Variants in PPP1R14C observed in about 807,000 individuals in gnomAD.
PPP1R14C encodes protein phosphatase 1 regulatory inhibitor subunit 14C, also known as protein phosphatase 1 regulatory subunit 14C.
PPP1R14C carries 16 observed loss-of-function variants against 20.4 expected under a neutral mutation model. The observed-to-expected ratio is 0.78, with a 90% CI of 0.53 to 1.19. PPP1R14C has a LOEUF of 1.19. Ranked by LOEUF, PPP1R14C falls within the 50% of genes most tolerant of loss-of-function variation. The pLI is 0.00. For missense variants in PPP1R14C, 211 were observed against 220.1 expected (o/e 0.96, Z 0.26); for synonymous variants, 91 against 91.0 (o/e 1.00, Z 0.00).
chr6:150,248,933 T>G lies in PPP1R14C; in HGVS notation c.*113T>G, dbSNP rs1038425571. On this transcript the variant is annotated 3_prime_UTR_variant, in exon 4 of 4. Coordinates refer to ENST00000361131, the MANE Select transcript of PPP1R14C (RefSeq NM_030949.3). ...CCTTATGAACAACGTTTTTGTTTTT[T>G]TTTTTTTCTTTTTTGGTGTGAAGGT... 1.1e-4 allele frequency: 61 copies of G among 574,468 alleles called. No individual in the cohort carries two copies. The highest frequency in any genetic ancestry group is 9.3e-4 in the African/African-American group (48 of 51,460). 35.6% of individuals were successfully genotyped at this position (574,468 alleles called of 1,614,324 possible).
chr6:150,146,886 CCT>C (rs1342841439), intron 1 of PPP1R14C, among the ~76,000 whole-genome samples: 1 of 152,108 alleles, frequency 6.6e-6, no homozygotes, highest in Non-Finnish European at 1.5e-5. Context: ...GATGTGGTCC[CCT>C]CTTACCCAGT....
intron 1 of PPP1R14C, among the ~76,000 whole-genome samples, chr6:150,155,309 G>C (rs184399248): frequency 3.3e-5 from 5 of 152,258 alleles, no homozygotes; most frequent in Non-Finnish European, 5.9e-5. Flanking sequence ...GACAGTTCTG[G>C]CAGGAAGTGA....
chr6:150,171,782 C>T (rs1226242222), intron 1 of PPP1R14C, among the ~76,000 whole-genome samples: 1 of 152,136 alleles, frequency 6.6e-6, no homozygotes, highest in Non-Finnish European at 1.5e-5. Flanking sequence ...TGTTTATCAG[C>T]ATTCAGAATT....
At chr6:150,152,082 T>C (rs1007146029) in intron 1 of PPP1R14C, among the ~76,000 whole-genome samples, 7 of 135,640 alleles carry the variant, frequency 5.2e-5, no homozygotes, top group African/African-American at 1.7e-4. Context: ...ATCCCGCCAA[T>C]GCACTCCAGC....
Position 150,143,411 on chromosome 6 carries a change from A to G in PPP1R14C, c.219A>G (p.Thr73=), listed in dbSNP as rs747053704. ...QQRRHQQGKV[T]VKYDRKELRK... ...GGCGACACCAGCAGGGAAAAGTGACAGTGAAATACGATCGTAAGGAGCTTC... is the reference window on the plus strand; with the variant it reads ...GGCGACACCAGCAGGGAAAAGTGACGGTGAAATACGATCGTAAGGAGCTTC... Residue 73 remains threonine (T), a synonymous_variant, in exon 1 of 4, where the codon ACA becomes ACG. Transcript: ENST00000361131. The surrounding 1 kb of genome is among the most constrained non-coding windows in gnomAD (Gnocchi z 5.6). 6.2e-7 allele frequency: 1 copy of G among 1,610,464 alleles called. No individual in the cohort carries two copies. Among genetic ancestry groups the G allele is most frequent in the South Asian group, 1.1e-5 (1 of 90,698 alleles).
chr6:150,173,730 G>C (rs1777524874), intron 1 of PPP1R14C, among the ~76,000 whole-genome samples: 1 of 152,114 alleles, frequency 6.6e-6, no homozygotes, highest in Non-Finnish European at 1.5e-5. Context: ...ATGCCAGCCA[G>C]CGCTAGGAAT....
intron 1 of PPP1R14C, among the ~76,000 whole-genome samples, chr6:150,160,520 G>A (rs1213201284): frequency 1.3e-5 from 2 of 150,982 alleles, no homozygotes; most frequent in Non-Finnish European, 2.9e-5. Context: ...TGATCCACCC[G>A]CCTCGGCCTC....
intron 3 of PPP1R14C, among the ~76,000 whole-genome samples, chr6:150,247,002 GT>G (rs772477960): frequency 5.9e-4 from 90 of 152,036 alleles, no homozygotes; most frequent in Non-Finnish European, 1.2e-3. Flanking sequence ...ATTGTTGCTG[GT>G]TGTATTTTCC....
At chr6:150,205,274 T>C (rs1262370377) in intron 1 of PPP1R14C, among the ~76,000 whole-genome samples, 2 of 152,082 alleles carry the variant, frequency 1.3e-5, no homozygotes, top group Admixed American at 6.5e-5. Context: ...AGTCAGTGTC[T>C]AGCAGCCTCA....
At chr6:150,177,138 G>T (rs180966243) in intron 1 of PPP1R14C, among the ~76,000 whole-genome samples, 1 of 152,270 alleles carries the variant, frequency 6.6e-6, no homozygotes, top group East Asian at 1.9e-4. Flanking sequence ...ACGGCTCTCT[G>T]GGCACAATTC....
Position 150,214,876 on chromosome 6 carries a change from G to T in PPP1R14C, c.390+49G>T, listed in dbSNP as rs1013483414. ...ACCTTCTAATCATGGACACTTGAGA[G>T]TCTACTTGGGTCTTCAGTGCTTGGC... On this transcript the variant is annotated intron_variant, in intron 2 of 3. Coordinates refer to ENST00000361131, the MANE Select transcript of PPP1R14C (RefSeq NM_030949.3). The T allele has an allele frequency of 3.0e-6, 4 of 1,312,080 alleles. No homozygotes were observed. In the South Asian group the frequency reaches 3.7e-5, roughly 12 times the overall value. The allele number at this position is 1,312,080 out of a possible 1,614,324, so 81.3% of individuals were successfully genotyped here. A position where few individuals can be genotyped will look rare whatever the true frequency, so the allele number is the denominator to read the frequency against.
In PPP1R14C at chr6:150,228,297, G is replaced by A. The variant is rs567078921; in HGVS notation, c.423+11441G>A. Among the ~76,000 whole-genome samples, 12 of 152,252 alleles carry A rather than the reference G, an allele frequency of 7.9e-5. 1 individual carries two copies. The South Asian group carries it at 1.0e-3, about 13-fold the overall frequency. On this transcript the variant is annotated intron_variant, in intron 3 of 3. Transcript: ENST00000361131. ...TCTGGCACCAATCACAAGTTCACAC[G>A]TCCTCAAAACCAACTTCAGCTTTGA...
In PPP1R14C at chr6:150,203,868, C is replaced by A. The variant is rs1285221775; in HGVS notation, c.307-10876C>A. Reference sequence around the variant, plus strand: ...GCTCAATCCCTAAATTAATGGCAAGCAAGACGTAGACAGGTGTGACTTCTT... The same window carrying A: ...GCTCAATCCCTAAATTAATGGCAAGAAAGACGTAGACAGGTGTGACTTCTT... On this transcript the variant is annotated intron_variant, in intron 1 of 3. Transcript: ENST00000361131. Among the ~76,000 whole-genome samples the A allele has an allele frequency of 5.9e-5, 9 of 152,240 alleles. No homozygotes were observed. The East Asian group carries it at 1.7e-3, about 29-fold the overall frequency.
chr6:150,245,478 T>A lies in PPP1R14C; in HGVS notation c.424-3268T>A, dbSNP rs570454111. Among the ~76,000 whole-genome samples, 3 of 152,270 alleles carry A rather than the reference T, an allele frequency of 2.0e-5. No individual in the cohort carries two copies. In the East Asian group the frequency reaches 5.8e-4, roughly 29 times the overall value. On this transcript the variant is annotated intron_variant, in intron 3 of 3. Transcript: ENST00000361131. The stretch of plus-strand genomic sequence containing the variant: ...CCCTCCGCCACAGTCACCCTGTCCA[T>A]TCTGTGCCAGGGACTTCCACTTCCT...
chr6:150,198,278 C>T (rs185070753), intron 1 of PPP1R14C, among the ~76,000 whole-genome samples: 28 of 147,190 alleles, frequency 1.9e-4, no homozygotes, highest in East Asian at 1.4e-3. Flanking sequence ...CCTGGATGCC[C>T]GGCTTTGTGT....
intron 1 of PPP1R14C, chr6:150,194,752 A>G (rs914597564): frequency 1.0e-6 from 1 of 985,416 alleles, no homozygotes; most frequent in Non-Finnish European, 1.2e-6. Context: ...AATTTGTTGC[A>G]TAGTTTAAGA....
At chr6:150,161,809 G>A (rs950343379) in intron 1 of PPP1R14C, among the ~76,000 whole-genome samples, 6 of 152,174 alleles carry the variant, frequency 3.9e-5, no homozygotes, top group African/African-American at 1.4e-4. Flanking sequence ...GCATACATTT[G>A]TAATATAGAT....
intron 1 of PPP1R14C, among the ~76,000 whole-genome samples, chr6:150,149,668 A>C (rs1777223258): frequency 6.6e-6 from 1 of 152,020 alleles, no homozygotes; most frequent in South Asian, 2.1e-4. Flanking sequence ...GATTGGTGAG[A>C]CACCAAGCAT....
chr6:150,176,045 T>C (rs1477311914), intron 1 of PPP1R14C, among the ~76,000 whole-genome samples: 1 of 152,246 alleles, frequency 6.6e-6, no homozygotes, highest in Non-Finnish European at 1.5e-5. Context: ...AACAGTGAGC[T>C]GATGTGATCT....
Sources: gnomAD v4.1 joint callset for allele counts (sites outside exome capture counted in the v4.1 genomes callset) on GRCh38, gnomAD v4.1.1 for gene constraint, Gnocchi (gnomAD v3.1) non-coding constraint, MANE v1.5 for transcripts, NCBI Gene and HGNC (gene_info 2026-07-23, HGNC 2026-07-21) for gene names.